Variants in TJP1 observed in about 807,000 individuals in gnomAD.
TJP1 encodes the protein tight junction protein 1.
A neutral mutation model predicts 194.2 loss-of-function variants in TJP1; 43 were observed. That is an observed-to-expected ratio of 0.22 (90% CI 0.17 to 0.29). The LOEUF is 0.29. Ranked by LOEUF, TJP1 falls within the 10% of genes least tolerant of loss-of-function variation. TJP1 has a pLI of 1.00. For synonymous variants in TJP1, 801 were observed against 779.0 expected (o/e 1.03, Z -0.47); for missense variants, 1,971 against 2,185.7 (o/e 0.90, Z 1.96).
intron 2 of TJP1, among the ~76,000 whole-genome samples, chr15:29,865,135 CA>C (rs1383317129): frequency 2.0e-5 from 3 of 152,104 alleles, no homozygotes; most frequent in Non-Finnish European, 4.4e-5. Flanking sequence ...GTAACAGGAC[CA>C]GGAAACTATT....
intron 2 of TJP1, among the ~76,000 whole-genome samples, chr15:29,838,589 T>C (rs28759498): frequency 7.0e-6 from 1 of 143,016 alleles, no homozygotes; most frequent in African/African-American, 2.6e-5. Context: ...AGATTTCACC[T>C]GTTATACATG....
At chr15:29,814,877 A>G (rs1195476958) in intron 1 of TJP1, among the ~76,000 whole-genome samples, 12 of 152,176 alleles carry the variant, frequency 7.9e-5, no homozygotes, top group Admixed American at 7.9e-4. Context: ...GATCTATCCC[A>G]AAGTGAGGGC....
chr15:29,782,854 C>T (rs1474645657), intron 2 of TJP1, among the ~76,000 whole-genome samples: 1 of 150,206 alleles, frequency 6.7e-6, no homozygotes, highest in South Asian at 2.1e-4. Flanking sequence ...AAAAACAACC[C>T]CCATTAGAAA....
chr15:29,711,749 A>C (rs903502708), intron 23 of TJP1, among the ~76,000 whole-genome samples: 1 of 152,228 alleles, frequency 6.6e-6, no homozygotes, highest in African/African-American at 2.4e-5. Flanking sequence ...AGGGGTTGGC[A>C]AACTTTTTCA....
intron 9 of TJP1, among the ~76,000 whole-genome samples, chr15:29,742,074 A>C (rs2044457701): frequency 6.6e-6 from 1 of 152,002 alleles, no homozygotes; most frequent in Non-Finnish European, 1.5e-5. Flanking sequence ...CAACAACAAA[A>C]AACAAAGAAA....
intron 2 of TJP1, among the ~76,000 whole-genome samples, chr15:29,904,328 G>A (rs536226035): frequency 6.6e-6 from 1 of 152,058 alleles, no homozygotes; most frequent in African/African-American, 2.4e-5. Flanking sequence ...GAGAGACAAA[G>A]GTGGCTCGGA....
intron 2 of TJP1, among the ~76,000 whole-genome samples, chr15:29,953,012 A>T (rs1179349034): frequency 6.6e-6 from 1 of 152,128 alleles, no homozygotes; most frequent in Admixed American, 6.5e-5. Context: ...CTACATGATT[A>T]TATTACAAAG....
At chr15:29,781,856 C>T (rs1157384455) in intron 2 of TJP1, among the ~76,000 whole-genome samples, 2 of 152,186 alleles carry the variant, frequency 1.3e-5, no homozygotes, top group Non-Finnish European at 2.9e-5. Context: ...AAACCTACAG[C>T]CAACATCATA....
At chr15:29,961,722 C>A (rs890881389) in intron 1 of TJP1, among the ~76,000 whole-genome samples, 2 of 152,164 alleles carry the variant, frequency 1.3e-5, no homozygotes, top group African/African-American at 4.8e-5. Flanking sequence ...CTGCCCATTT[C>A]CCTTCTCTTC....
At chr15:29,866,964 C>T (rs1290488872) in intron 2 of TJP1, among the ~76,000 whole-genome samples, 1 of 152,188 alleles carries the variant, frequency 6.6e-6, no homozygotes, top group African/African-American at 2.4e-5. Context: ...CAGACTGAGC[C>T]TGAGCGCGTC....
chr15:29,748,712 A>AC (rs1467722512), intron 8 of TJP1, among the ~76,000 whole-genome samples: 1 of 151,620 alleles, frequency 6.6e-6, no homozygotes, highest in Non-Finnish European at 1.5e-5. Context: ...TAGCTGGACT[A>AC]CAGATGCGTG....
intron 1 of TJP1, among the ~76,000 whole-genome samples, chr15:29,814,971 G>C (rs2049809602): frequency 6.6e-6 from 1 of 152,136 alleles, no homozygotes; most frequent in South Asian, 2.1e-4. Flanking sequence ...TACAAAGTTT[G>C]GTAACATTGG....
intron 12 of TJP1, 45 bp downstream of exon 12, chr15:29,734,229 C>G (rs1426851007): frequency 7.4e-7 from 1 of 1,358,352 alleles, no homozygotes; most frequent in East Asian, 2.4e-5. Flanking sequence ...TGTAAGTCCT[C>G]AAACTCTACA....
intron 2 of TJP1, among the ~76,000 whole-genome samples, chr15:29,797,799 GAA>G (rs1300910975): frequency 6.6e-6 from 1 of 152,104 alleles, no homozygotes; most frequent in Non-Finnish European, 1.5e-5. Flanking sequence ...TTGAATACGT[GAA>G]GTCTATGTTG....
rs369092296 is a variant in TJP1, at chr15:29,719,006, C to T, written c.3136G>A (p.Val1046Ile). 2.5e-5 allele frequency: 41 copies of T among 1,614,034 alleles called. No individual in the cohort carries two copies. Among genetic ancestry groups the T allele is most frequent in the African/African-American group, 4.0e-5 (3 of 74,918 alleles). The change falls in exon 21 of 28, where the codon GTA (valine) becomes ATA (isoleucine). Residue 1046 changes from valine to isoleucine, a missense_variant. Coordinates refer to ENST00000614355, the MANE Select transcript of TJP1 (RefSeq NM_001330239.4). ...NLTYEPQLPY[V>I]EKQASRDLEQ... ...AGGTCTCTGCTGGCTTGTTTCTCTACGTATGGGAGTTGGGGTTCATAGGTC... is the reference window on the plus strand; with the variant it reads ...AGGTCTCTGCTGGCTTGTTTCTCTATGTATGGGAGTTGGGGTTCATAGGTC...
intron 1 of TJP1, among the ~76,000 whole-genome samples, chr15:29,818,536 G>A (rs1234256834): frequency 3.3e-5 from 5 of 152,080 alleles, no homozygotes; most frequent in African/African-American, 2.4e-5. Context: ...ACAGCGTCTC[G>A]CTCTGTCGCC....
chr15:29,705,457 T>C, intron 26 of TJP1, 71 bp downstream of exon 26: 2 of 1,472,290 alleles, frequency 1.4e-6, no homozygotes, highest in South Asian at 2.5e-5. Flanking sequence ...AGCCAAGCAC[T>C]ATAAGCTCTG....
intron 2 of TJP1, among the ~76,000 whole-genome samples, chr15:29,834,934 C>T (rs1044023222): frequency 6.6e-6 from 1 of 152,164 alleles, no homozygotes; most frequent in Non-Finnish European, 1.5e-5. Context: ...ATAATGTTCT[C>T]TTAACAAAGT....
chr15:29,779,043 C>G lies in TJP1; in HGVS notation c.85-5686G>C, dbSNP rs149306744. On this transcript the variant is annotated intron_variant, in intron 2 of 27. Transcript: ENST00000614355. ...TCTAGTTGATCTATTTTAAACTCCCCACTAGCAAGTCACATAGCAAATCTC... is the reference window on the plus strand; with the variant it reads ...TCTAGTTGATCTATTTTAAACTCCCGACTAGCAAGTCACATAGCAAATCTC... Among the ~76,000 whole-genome samples, 176 of 152,308 alleles carry G rather than the reference C, an allele frequency of 1.2e-3. 1 individual carries two copies. Among genetic ancestry groups the G allele is most frequent in the African/African-American group, 4.1e-3 (170 of 41,566 alleles).
Sources: allele counts gnomAD v4.1 joint callset (sites outside exome capture counted in the v4.1 genomes callset), GRCh38; gene constraint gnomAD v4.1.1; transcripts MANE v1.5; gene names NCBI Gene and HGNC (gene_info 2026-07-23, HGNC 2026-07-21).